RASGRF2: variants seen among roughly 807,000 people sequenced by gnomAD.
RASGRF2 encodes ras-specific guanine nucleotide-releasing factor 2.
RASGRF2 carries 76 observed loss-of-function variants against 151.0 expected under a neutral mutation model. The ratio of observed to expected loss-of-function variants is 0.50; its 90% CI spans 0.42 to 0.61. The LOEUF (loss-of-function observed/expected upper bound fraction) is 0.61, where lower values mean the gene tolerates loss of function less well. RASGRF2 is among the 20% of genes least tolerant of loss of function. The pLI, the probability that RASGRF2 is intolerant of heterozygous loss-of-function variation, is 0.00. For synonymous variants in RASGRF2, 504 were observed against 566.5 expected (o/e 0.89, Z 1.57); for missense variants, 1,148 against 1,564.6 (o/e 0.73, Z 4.49).
At chr5:81,042,518 C>G (rs1205334878) in intron 1 of RASGRF2, among the ~76,000 whole-genome samples, 1 of 152,252 alleles carries the variant, frequency 6.6e-6, no homozygotes, top group Non-Finnish European at 1.5e-5. Flanking sequence ...CTTCTGCGTT[C>G]CTGCAGCTTT....
intron 1 of RASGRF2, among the ~76,000 whole-genome samples, chr5:80,986,886 C>A (rs1397610453): frequency 2.6e-5 from 4 of 152,146 alleles, no homozygotes; most frequent in African/African-American, 9.7e-5. Flanking sequence ...CTCATTGTAA[C>A]TGCTAGATAA....
chr5:80,966,528 T>G (rs1747729427), intron 1 of RASGRF2, among the ~76,000 whole-genome samples: 1 of 152,216 alleles, frequency 6.6e-6, no homozygotes. Context: ...TTTTTATTGG[T>G]GCAACTTTTA....
chr5:81,165,476 C>T (rs906861419), intron 17 of RASGRF2, among the ~76,000 whole-genome samples: 3 of 152,158 alleles, frequency 2.0e-5, no homozygotes, highest in Non-Finnish European at 4.4e-5. Context: ...GACCCCAAAG[C>T]GAGGCCCGAT....
At chr5:81,050,212 C>T (rs1750967919) in intron 2 of RASGRF2, among the ~76,000 whole-genome samples, 1 of 152,182 alleles carries the variant, frequency 6.6e-6, no homozygotes, top group Non-Finnish European at 1.5e-5. Flanking sequence ...GCTCTGCCAC[C>T]TCGCCTGTCT....
Position 81,012,060 on chromosome 5 carries a change from A to G in RASGRF2, c.289-30817A>G, listed in dbSNP as rs985328852. ...TATGACCGTGAACTTGTCTTCGAGC[A>G]TCCCAGCTTTTAAAAGCTTTACATT... On this transcript the variant is annotated intron_variant, in intron 1 of 26. Transcript: ENST00000265080. 3.9e-5 allele frequency among the ~76,000 whole-genome samples: 6 copies of G among 152,326 alleles called. No homozygotes were observed. In the South Asian group the frequency reaches 1.2e-3, roughly 32 times the overall value.
Position 81,212,380 on chromosome 5 carries a change from G to A in RASGRF2, c.3171G>A (p.Val1057=). The part of the protein sequence containing the change: ...SQHFNDMSNL[V]ASQIMNYADV... ...GATTGTCTCAGATGAGTAACCTGGT[G>A]GCCTCCCAGATAATGAACTATGCTG... The change falls in exon 23 of 27, where the codon GTG becomes GTA. Residue 1057 remains valine, a synonymous_variant. Transcript: ENST00000265080. 1 of 1,603,564 alleles carries A rather than the reference G, an allele frequency of 6.2e-7. No homozygotes were observed. The highest frequency in any genetic ancestry group is 1.1e-5 in the South Asian group (1 of 90,538).
intron 15 of RASGRF2, among the ~76,000 whole-genome samples, chr5:81,120,744 G>C (rs575146742): frequency 5.3e-5 from 8 of 152,204 alleles, no homozygotes; most frequent in Non-Finnish European, 1.2e-4. Flanking sequence ...TTGGTTCCAA[G>C]CTCCTCTGCT....
intron 10 of RASGRF2, among the ~76,000 whole-genome samples, chr5:81,093,904 T>G (rs1261098799): frequency 6.6e-6 from 1 of 152,102 alleles, no homozygotes; most frequent in Non-Finnish European, 1.5e-5. Context: ...ATAGGCAAAC[T>G]TTTTTATTAT....
chr5:81,034,811 G>T (rs992143392), intron 1 of RASGRF2, among the ~76,000 whole-genome samples: 3 of 131,528 alleles, frequency 2.3e-5, no homozygotes, highest in Non-Finnish European at 4.9e-5. Context: ...GGGTGGGAGG[G>T]GGGTAGGGAT....
chr5:81,047,326 G>A (rs1311478412), intron 2 of RASGRF2, among the ~76,000 whole-genome samples: 1 of 152,194 alleles, frequency 6.6e-6, no homozygotes, highest in African/African-American at 2.4e-5. Flanking sequence ...GGAGGGAGGA[G>A]AGTTTGGGTT....
intron 17 of RASGRF2, among the ~76,000 whole-genome samples, chr5:81,156,620 C>T (rs1190541784): frequency 2.6e-5 from 4 of 151,932 alleles, no homozygotes; most frequent in Non-Finnish European, 5.9e-5. Flanking sequence ...ATAGATAAAA[C>T]ATTGCAAAAT....
intron 23 of RASGRF2, 124 bp downstream of exon 23, chr5:81,212,687 A>G: frequency 1.1e-6 from 1 of 910,934 alleles, no homozygotes; most frequent in Non-Finnish European, 1.6e-6. Context: ...TGCCAAAGAA[A>G]GGTGCCAACA....
chr5:81,093,008 A>G (rs778804136), intron 10 of RASGRF2, 47 bp downstream of exon 10: 18 of 1,497,050 alleles, frequency 1.2e-5, no homozygotes, highest in Non-Finnish European at 1.4e-5. Context: ...AGCACTTACA[A>G]GTTATTGAAG....
At chr5:81,058,962 G>A (rs1010330769) in intron 2 of RASGRF2, among the ~76,000 whole-genome samples, 1 of 151,954 alleles carries the variant, frequency 6.6e-6, no homozygotes, top group Admixed American at 6.6e-5. Context: ...AAGTCCCCAG[G>A]CCTGGACTTG....
In RASGRF2 at chr5:81,094,958, A is replaced by G. The variant is rs757092978; in HGVS notation, c.1721A>G (p.Gln574Arg). 6 of 1,576,536 alleles carry G rather than the reference A, an allele frequency of 3.8e-6. No individual in the cohort carries two copies. Among genetic ancestry groups the G allele is most frequent in the African/African-American group, 1.4e-5 (1 of 73,434 alleles). ...FTVVLLAPSR[Q>R]EKAAWMSDIS... ...GTTGTCTTGTTAGCACCCTCACGCC[A>G]GGAGAAAGCTGCCTGGATGAGTGAC... The change falls in exon 12 of 27, where the codon CAG becomes CGG. Residue 574 changes from glutamine (Q) to arginine (R), a missense_variant. This residue lies in a region of RASGRF2 where 646 missense variants were observed against 807.4 expected (regional missense o/e 0.80). Coordinates refer to ENST00000265080, the MANE Select transcript of RASGRF2 (RefSeq NM_006909.3).
chr5:81,173,906 A>G (rs921484406), intron 17 of RASGRF2, among the ~76,000 whole-genome samples: 2 of 152,230 alleles, frequency 1.3e-5, no homozygotes, highest in Non-Finnish European at 2.9e-5. Flanking sequence ...CTCAGCACCT[A>G]CACAGTATCT....
intron 1 of RASGRF2, among the ~76,000 whole-genome samples, chr5:80,965,687 C>A (rs943562146): frequency 2.0e-4 from 31 of 152,244 alleles, no homozygotes; most frequent in African/African-American, 6.5e-4. Context: ...TTTTTCCCTT[C>A]TTTTGACAAT....
chr5:81,015,492 G>A (rs1029900473), intron 1 of RASGRF2, among the ~76,000 whole-genome samples: 2 of 152,058 alleles, frequency 1.3e-5, no homozygotes, highest in African/African-American at 4.8e-5. Context: ...TTGTCTTAAT[G>A]TACATTTCTT....
chr5:80,992,185 C>CACACACACACACACACACACAT (rs1157690240), intron 1 of RASGRF2, among the ~76,000 whole-genome samples: 8 of 139,410 alleles, frequency 5.7e-5, no homozygotes, highest in African/African-American at 2.7e-4. Flanking sequence ...CACACAGATA[C>CACACACACACACACACACACAT]ACACACACAC....
Sources: gnomAD v4.1 joint callset for allele counts (sites outside exome capture counted in the v4.1 genomes callset) on GRCh38, gnomAD v4.1.1 for gene constraint, gnomAD v4.1.1 regional missense constraint, MANE v1.5 for transcripts, NCBI Gene and HGNC (gene_info 2026-07-23, HGNC 2026-07-21) for gene names.